Variants in RGS3 observed in about 807,000 individuals in gnomAD.
RGS3 encodes the protein regulator of G-protein signalling 3.
In RGS3, 80 loss-of-function variants were observed where a neutral mutation model predicts 132.6. The observed-to-expected ratio is 0.60, with a 90% confidence interval of 0.50 to 0.73. RGS3 has a LOEUF of 0.73. RGS3 is among the 30% of genes least tolerant of loss of function. RGS3 has a pLI of 0.00. For synonymous variants in RGS3, 598 were observed against 620.6 expected, an observed-to-expected ratio of 0.96 and a Z score of 0.54; for missense variants, 1,382 against 1,530.8, an observed-to-expected ratio of 0.90 and a Z score of 1.62.
chr9:113,513,220 AC>A (rs1300157944), intron 14 of RGS3, among the ~76,000 whole-genome samples: 2 of 152,082 alleles, frequency 1.3e-5, no homozygotes, highest in African/African-American at 4.8e-5. Flanking sequence ...AAAAACAACA[AC>A]AAAAACGTGT....
intron 3 of RGS3, among the ~76,000 whole-genome samples, chr9:113,476,882 T>A (rs1317073448): frequency 1.3e-5 from 2 of 152,172 alleles, no homozygotes; most frequent in Non-Finnish European, 2.9e-5. Context: ...AGCACAGGGG[T>A]TCCTGTGGCT....
At chr9:113,561,055 G>A (rs549025649) in intron 19 of RGS3, among the ~76,000 whole-genome samples, 36 of 152,046 alleles carry the variant, frequency 2.4e-4, no homozygotes, top group African/African-American at 8.0e-4. Flanking sequence ...ATGGAGTCTT[G>A]CTCTGTTGCC....
chr9:113,512,989 G>C (rs1391136955), intron 14 of RGS3, among the ~76,000 whole-genome samples: 2 of 152,224 alleles, frequency 1.3e-5, no homozygotes, highest in African/African-American at 4.8e-5. Context: ...CTGAGGTTGG[G>C]AGTTCGAGAC....
intron 7 of RGS3, among the ~76,000 whole-genome samples, chr9:113,492,417 C>T (rs756409837): frequency 1.4e-4 from 22 of 152,194 alleles, no homozygotes; most frequent in Non-Finnish European, 2.5e-4. Flanking sequence ...ATCTGTCAAT[C>T]GCACCCTGTC....
chr9:113,529,997 T>G (rs768690016), intron 18 of RGS3, among the ~76,000 whole-genome samples: 17 of 152,380 alleles, frequency 1.1e-4, no homozygotes, highest in Non-Finnish European at 2.1e-4. Context: ...ATACAAATAC[T>G]TTTCAATTTT....
In RGS3 at chr9:113,463,803, A is replaced by G. The variant is rs1224125484; in HGVS notation, c.415+1602A>G. The stretch of plus-strand genomic sequence containing the variant: ...CCTGTCCGGGTCGCAGTGGGACGCC[A>G]TGGAGCGCTCCCTGCACCGCGTCTC... On this transcript the variant is annotated intron_variant, in intron 3 of 24. Coordinates refer to ENST00000350696, the Ensembl canonical transcript of RGS3. This position sits in a 1 kb window ranked among gnomAD's most constrained non-coding sequence, Gnocchi z 4.6. 3 of 1,610,476 alleles carry G rather than the reference A, an allele frequency of 1.9e-6. No individual in the cohort carries two copies. The highest frequency in any genetic ancestry group is 1.1e-5 in the South Asian group (1 of 90,724).
chr9:113,464,960 G>A (rs923023738), intron 3 of RGS3, among the ~76,000 whole-genome samples: 11 of 152,184 alleles, frequency 7.2e-5, no homozygotes, highest in African/African-American at 2.7e-4. Flanking sequence ...CAGTGGCTTG[G>A]CCTCTGAAAT....
At chr9:113,577,291 T>A (rs1007340283) in intron 19 of RGS3, among the ~76,000 whole-genome samples, 2 of 152,224 alleles carry the variant, frequency 1.3e-5, no homozygotes, top group Non-Finnish European at 2.9e-5. Flanking sequence ...GCCTCAACTT[T>A]TATTTTTTAG....
At chr9:113,470,400 A>C (rs1343948098) in intron 3 of RGS3, among the ~76,000 whole-genome samples, 2 of 152,148 alleles carry the variant, frequency 1.3e-5, no homozygotes, top group African/African-American at 4.8e-5. Flanking sequence ...CAGTTCTGTC[A>C]GTTTTTCCTT....
chr9:113,550,189 C>A (rs963981363), intron 19 of RGS3, among the ~76,000 whole-genome samples: 2 of 152,062 alleles, frequency 1.3e-5, no homozygotes, highest in African/African-American at 4.8e-5. Flanking sequence ...ATGGTGAAAC[C>A]CTGTCTCTAC....
At chr9:113,482,857 C>G (rs558014010) in intron 4 of RGS3, 2 of 1,369,740 alleles carry the variant, frequency 1.5e-6, no homozygotes, top group South Asian at 3.0e-5. Context: ...ATGGCCTAGA[C>G]CAGAGCAGGT....
chr9:113,533,625 C>T (rs749402346), intron 18 of RGS3, among the ~76,000 whole-genome samples: 2 of 152,352 alleles, frequency 1.3e-5, no homozygotes, highest in Middle Eastern at 3.4e-3. Context: ...GACATGGAGG[C>T]CCAGGGAGAT....
At chr9:113,485,280 G>A (rs1336172584) in intron 6 of RGS3, among the ~76,000 whole-genome samples, 5 of 151,994 alleles carry the variant, frequency 3.3e-5, no homozygotes, top group Admixed American at 1.3e-4. Flanking sequence ...TAGTAGAGAC[G>A]GGGTTTCACC....
At chr9:113,516,694 T>A (rs1831686032) in intron 15 of RGS3, among the ~76,000 whole-genome samples, 2 of 152,086 alleles carry the variant, frequency 1.3e-5, no homozygotes, top group South Asian at 4.2e-4. Flanking sequence ...AATATTTGTA[T>A]AAGAAACTAC....
At chr9:113,546,685 C>T (rs1256215117) in intron 19 of RGS3, among the ~76,000 whole-genome samples, 4 of 152,164 alleles carry the variant, frequency 2.6e-5, no homozygotes, top group Non-Finnish European at 5.9e-5. Context: ...CATGGATCTG[C>T]ACTTGGTTTA....
chr9:113,547,997 G>T (rs1401554881), intron 19 of RGS3, among the ~76,000 whole-genome samples: 1 of 152,196 alleles, frequency 6.6e-6, no homozygotes, highest in Non-Finnish European at 1.5e-5. Context: ...CTTTTGAGTG[G>T]GAAAATGCAT....
chr9:113,487,900 A>G (rs1830389324), intron 7 of RGS3, among the ~76,000 whole-genome samples: 1 of 152,202 alleles, frequency 6.6e-6, no homozygotes, highest in Non-Finnish European at 1.5e-5. Context: ...CGTCAGATTA[A>G]TTACATCCAA....
intron 1 of RGS3, among the ~76,000 whole-genome samples, chr9:113,447,327 A>ATATATATATATATATATATGTG (rs1484683848): frequency 1.4e-5 from 1 of 72,626 alleles, no homozygotes; most frequent in Non-Finnish European, 2.8e-5. Context: ...ATGTATGTAT[A>ATATATATATATATATATATGTG]TGTATATATA....
intron 19 of RGS3, chr9:113,580,892 G>T: frequency 1.0e-6 from 1 of 985,640 alleles, no homozygotes; most frequent in Non-Finnish European, 1.2e-6. Context: ...CACCACCCAG[G>T]AAAGGGGAAA....
Sources: allele counts gnomAD v4.1 joint callset (sites outside exome capture counted in the v4.1 genomes callset), GRCh38; gene constraint gnomAD v4.1.1; non-coding constraint Gnocchi (gnomAD v3.1); transcripts MANE v1.5; gene names NCBI Gene and HGNC (gene_info 2026-07-23, HGNC 2026-07-21).